PCDHGA2: variants seen among roughly 807,000 people sequenced by gnomAD.
PCDHGA2 encodes protocadherin gamma subfamily A, 2, also known as protocadherin gamma-A2.
A neutral mutation model predicts 59.2 loss-of-function variants in PCDHGA2; 40 were observed. The observed-to-expected ratio is 0.68, with a 90% CI of 0.52 to 0.88. The LOEUF (loss-of-function observed/expected upper bound fraction) is 0.88, where lower values mean the gene tolerates loss of function less well. Among genes scored for constraint, PCDHGA2 ranks in the 40% least tolerant of loss-of-function variants. The probability of loss-of-function intolerance (pLI) is 0.00; values close to 1 mark genes in which losing one functional copy is unlikely to be tolerated. For synonymous variants in PCDHGA2, 560 were observed against 526.0 expected (o/e 1.06, Z -0.89); for missense variants, 1,226 against 1,204.0 (o/e 1.02, Z -0.27).
At chr5:141,385,408 A>G in intron 1 of PCDHGA2, 1 of 1,478,414 alleles carries the variant, frequency 6.8e-7, no homozygotes, top group Middle Eastern at 1.8e-4. Flanking sequence ...TGTTTTGAAA[A>G]TAGGGATTTA....
chr5:141,366,572 G>T (rs1454034279), intron 1 of PCDHGA2: 1 of 1,614,148 alleles, frequency 6.2e-7, no homozygotes, highest in African/African-American at 1.3e-5. Flanking sequence ...TGGGGTTCGG[G>T]CTTTCCTGCA....
intron 1 of PCDHGA2, chr5:141,351,845 C>T (rs1268718190): frequency 6.2e-7 from 1 of 1,613,250 alleles, no homozygotes; most frequent in Admixed American, 1.7e-5. Context: ...GCTCACACTG[C>T]AGGCCAGGGA....
At chr5:141,370,431 C>T (rs781725502) in intron 1 of PCDHGA2, 6 of 1,599,456 alleles carry the variant, frequency 3.8e-6, no homozygotes, top group Non-Finnish European at 5.1e-6. Context: ...CCCAGCAGGG[C>T]AGAGGCGAAT....
intron 2 of PCDHGA2, 102 bp from the exon 3 acceptor site, chr5:141,505,291 G>A (rs2154593677): frequency 1.3e-6 from 2 of 1,565,092 alleles, no homozygotes; most frequent in Non-Finnish European, 1.7e-6. Context: ...TGGGCATGGG[G>A]TAGGGTTAGG....
chr5:141,390,215 A>G, intron 1 of PCDHGA2: 1 of 1,614,038 alleles, frequency 6.2e-7, no homozygotes. Flanking sequence ...GACAAGACAT[A>G]CTTTGCGGTG....
intron 2 of PCDHGA2, among the ~76,000 whole-genome samples, chr5:141,505,050 T>C (rs1190927211): frequency 2.0e-5 from 3 of 152,130 alleles, no homozygotes; most frequent in Non-Finnish European, 4.4e-5. Context: ...TCATCCCAGC[T>C]ACTTGGGAGA....
In PCDHGA2 at chr5:141,431,375, G is replaced by T. The variant is rs139873616; in HGVS notation, c.2425-63432G>T. ...ACGCGCCCTGGACCGCGAAGAAAAGGCTGCTCACCACCTGGTCCTTACGGC... is the reference window on the plus strand; with the variant it reads ...ACGCGCCCTGGACCGCGAAGAAAAGTCTGCTCACCACCTGGTCCTTACGGC... On this transcript the variant is annotated intron_variant, in intron 1 of 3. Coordinates refer to ENST00000394576, the MANE Select transcript of PCDHGA2 (RefSeq NM_018915.4). This position sits in a 1 kb window ranked among gnomAD's most constrained non-coding sequence, Gnocchi z 4.8. 21 of 1,613,422 alleles carry T rather than the reference G, an allele frequency of 1.3e-5. No homozygotes were observed. The African/African-American group carries it at 2.8e-4, about 21-fold the overall frequency.
At position 141,476,746 on chromosome 5, in the gene PCDHGA2, C is replaced by A; in HGVS notation, c.2425-18061C>A. 1 of 1,614,068 alleles carries A rather than the reference C, an allele frequency of 6.2e-7. No homozygotes were observed. On this transcript the variant is annotated intron_variant, in intron 1 of 3. Transcript: ENST00000394576. The surrounding 1 kb of genome is among the most constrained non-coding windows in gnomAD (Gnocchi z 7.6). ...TGGACCGAGAACGGGAGCCTAGTCT[C>A]CAGTTAGTGCTGACGGCGTTGGACG...
intron 1 of PCDHGA2, chr5:141,361,799 T>A (rs929369339): frequency 1.2e-6 from 2 of 1,613,184 alleles, no homozygotes; most frequent in Middle Eastern, 1.7e-4. Context: ...GTGGGCGACC[T>A]CAATGACAAT....
At chr5:141,395,053 A>G (rs1210765378) in intron 1 of PCDHGA2, 1 of 1,614,062 alleles carries the variant, frequency 6.2e-7, no homozygotes, top group African/African-American at 1.3e-5. Flanking sequence ...GAGGAGGTAC[A>G]GGCTTTCCTG....
intron 1 of PCDHGA2, among the ~76,000 whole-genome samples, chr5:141,457,155 A>G (rs1403164805): frequency 1.3e-5 from 2 of 152,216 alleles, no homozygotes; most frequent in Admixed American, 6.5e-5. Flanking sequence ...AGAAGGTGCT[A>G]CCATGGATAA....
intron 1 of PCDHGA2, chr5:141,346,486 A>G (rs1561492432): frequency 6.2e-7 from 1 of 1,613,124 alleles, no homozygotes; most frequent in Non-Finnish European, 8.5e-7. Context: ...TTGATTATTA[A>G]GAACAAATAT....
In PCDHGA2 at chr5:141,351,289, G is replaced by A. The variant is rs1197454065; in HGVS notation, c.2424+9894G>A. 5 of 1,613,794 alleles carry A rather than the reference G, an allele frequency of 3.1e-6. No individual in the cohort carries two copies. The African/African-American group carries it at 4.0e-5, about 13-fold the overall frequency. The stretch of plus-strand genomic sequence containing the variant: ...ACGAGAATGACAATGCCCCAGAGGT[G>A]ACATTCATGTCCTTCTCTAACCAGA... On this transcript the variant is annotated intron_variant, in intron 1 of 3. Coordinates refer to ENST00000394576, the MANE Select transcript of PCDHGA2 (RefSeq NM_018915.4).
At position 141,427,172 on chromosome 5, in the gene PCDHGA2, TG is replaced by T. The variant is rs757372749; in HGVS notation, c.2425-67631del. ...ATATGTTTGTGCTAGACCATCAAAA[TG>T]GGGAAATTAAATCCAAAGACTTAAT... On this transcript the variant is annotated intron_variant, in intron 1 of 3. Coordinates refer to ENST00000394576, the MANE Select transcript of PCDHGA2 (RefSeq NM_018915.4). The T allele has an allele frequency of 3.9e-5, 18 of 456,596 alleles. 1 individual carries two copies. The highest frequency in any genetic ancestry group is 2.6e-4 in the South Asian group (17 of 64,568). 28.3% of individuals were successfully genotyped at this position (456,596 alleles called of 1,614,324 possible). A position where few individuals can be genotyped will look rare whatever the true frequency, so the allele number is the denominator to read the frequency against.
At chr5:141,402,947 G>A in intron 1 of PCDHGA2, 1 of 1,592,724 alleles carries the variant, frequency 6.3e-7, no homozygotes, top group South Asian at 1.1e-5. Flanking sequence ...CCAAAGCGAG[G>A]CAGCAATGGC....
chr5:141,423,364 C>G (rs1299667864), intron 1 of PCDHGA2: 2 of 1,614,102 alleles, frequency 1.2e-6, no homozygotes, highest in East Asian at 4.5e-5. Flanking sequence ...CATCGTGCTG[C>G]TGGCACTCAG....
intron 1 of PCDHGA2, chr5:141,395,163 G>T: frequency 6.2e-7 from 1 of 1,614,160 alleles, no homozygotes; most frequent in Non-Finnish European, 8.5e-7. Context: ...CAGTCAGGAG[G>T]GCTGTGAGAA....
intron 1 of PCDHGA2, chr5:141,382,982 C>A (rs1778673770): frequency 6.2e-7 from 1 of 1,612,206 alleles, no homozygotes; most frequent in Non-Finnish European, 8.5e-7. Flanking sequence ...GAAGCCTGGG[C>A]AGGACGTATT....
chr5:141,476,850 A>C lies in PCDHGA2; in HGVS notation c.2425-17957A>C, dbSNP rs747333239. Reference sequence around the variant, plus strand: ...GCGAATGACAATGCGCCTGTCTTCAACCAGTCCTTGTACCGGGCGCGCGTC... The same window carrying C: ...GCGAATGACAATGCGCCTGTCTTCACCCAGTCCTTGTACCGGGCGCGCGTC... On this transcript the variant is annotated intron_variant, in intron 1 of 3. Transcript: ENST00000394576. The surrounding 1 kb of genome is among the most constrained non-coding windows in gnomAD (Gnocchi z 7.6). The C allele has an allele frequency of 5.6e-6, 9 of 1,613,718 alleles. No individual in the cohort carries two copies. Among genetic ancestry groups the C allele is most frequent in the Non-Finnish European group, 7.6e-6 (9 of 1,180,054 alleles).
Sources: gnomAD v4.1 joint callset for allele counts (sites outside exome capture counted in the v4.1 genomes callset) on GRCh38, gnomAD v4.1.1 for gene constraint, Gnocchi (gnomAD v3.1) non-coding constraint, MANE v1.5 for transcripts, NCBI Gene and HGNC (gene_info 2026-07-23, HGNC 2026-07-21) for gene names.